COLEC10: variants seen among roughly 807,000 people sequenced by gnomAD.
COLEC10 encodes collectin-10.
In COLEC10, 22 loss-of-function variants were observed where a neutral mutation model predicts 28.4. The observed-to-expected ratio is 0.78, with a 90% CI of 0.55 to 1.11. COLEC10 has a LOEUF of 1.11. Among genes scored for constraint, COLEC10 ranks in the 50% least tolerant of loss-of-function variants. The probability of loss-of-function intolerance (pLI) is 0.00; values close to 1 mark genes in which losing one functional copy is unlikely to be tolerated. For synonymous variants in COLEC10, 125 were observed against 116.1 expected, an observed-to-expected ratio of 1.08 and a Z score of -0.49; for missense variants, 361 against 344.1, an observed-to-expected ratio of 1.05 and a Z score of -0.39.
chr8:119,034,078 T>G (rs1814342536), intron 2 of COLEC10, among the ~76,000 whole-genome samples: 1 of 152,204 alleles, frequency 6.6e-6, no homozygotes, highest in Non-Finnish European at 1.5e-5. Context: ...AAGGATGAGT[T>G]CATGTCCTTT....
At position 119,057,264 on chromosome 8, in the gene COLEC10, T is replaced by C. The variant is rs539453675; in HGVS notation, n.236-32416T>C. Among the ~76,000 whole-genome samples the C allele has an allele frequency of 4.7e-4, 71 of 152,212 alleles. 1 individual carries two copies. The highest frequency in any genetic ancestry group is 3.6e-3 in the Admixed American group (55 of 15,262). On this transcript the variant is annotated intron_variant and non_coding_transcript_variant, in intron 2 of 6. Transcript: ENST00000521788. ...TTCTCATGCCTCCTTGTGAAGAAAGTACTTGCTTCTCCTTCACCTTCCACC... is the reference window on the plus strand; with the variant it reads ...TTCTCATGCCTCCTTGTGAAGAAAGCACTTGCTTCTCCTTCACCTTCCACC...
At chr8:118,969,591 A>G in the COLEC10 span, among the ~76,000 whole-genome samples, 1 of 151,920 alleles carries the variant, frequency 6.6e-6, no homozygotes, top group South Asian at 2.1e-4. Flanking sequence ...CATAAGTGAG[A>G]TGTTTGGAGC....
intron 2 of COLEC10, among the ~76,000 whole-genome samples, chr8:119,019,905 T>C (rs754968020): frequency 6.6e-6 from 1 of 152,198 alleles, no homozygotes; most frequent in Middle Eastern, 3.2e-3. Flanking sequence ...TCTGGCTTCA[T>C]GAAAGTAACA....
chr8:119,046,249 CTT>C (rs1366126188), intron 2 of COLEC10, among the ~76,000 whole-genome samples: 8 of 151,496 alleles, frequency 5.3e-5, no homozygotes, highest in African/African-American at 1.9e-4. Flanking sequence ...TTTTTTTTCT[CTT>C]TTAGTTAATG....
chr8:119,030,220 A>T (rs1193344084), intron 2 of COLEC10, among the ~76,000 whole-genome samples: 4 of 152,226 alleles, frequency 2.6e-5, no homozygotes, highest in Admixed American at 2.6e-4. Flanking sequence ...TCAGGTATGT[A>T]GATTGGGGCA....
chr8:119,078,408 T>TA (rs1011864752), intron 1 of COLEC10, among the ~76,000 whole-genome samples: 4 of 152,082 alleles, frequency 2.6e-5, no homozygotes, highest in Non-Finnish European at 4.4e-5. Flanking sequence ...GGGTTGAAGA[T>TA]AGACTGAAGG....
chr8:119,055,852 G>GT (rs968056048), intron 2 of COLEC10, among the ~76,000 whole-genome samples: 9 of 151,794 alleles, frequency 5.9e-5, no homozygotes, highest in Non-Finnish European at 1.0e-4. Context: ...TACCTTGACT[G>GT]TTTTTTTCTT....
At chr8:118,965,891 A>G in the COLEC10 span, among the ~76,000 whole-genome samples, 6 of 152,080 alleles carry the variant, frequency 3.9e-5, no homozygotes, top group African/African-American at 1.4e-4. Flanking sequence ...TTTCCAGGCC[A>G]TGACTAGATG....
upstream of COLEC10, among the ~76,000 whole-genome samples, chr8:118,991,284 C>T (rs1233996449): frequency 1.3e-5 from 2 of 152,126 alleles, no homozygotes; most frequent in Non-Finnish European, 2.9e-5. Flanking sequence ...CAATATGTAC[C>T]TCCCTGTGTC....
intron 2 of COLEC10, among the ~76,000 whole-genome samples, chr8:119,014,618 T>C (rs1307023201): frequency 6.6e-6 from 1 of 150,882 alleles, no homozygotes; most frequent in Non-Finnish European, 1.5e-5. Flanking sequence ...TGTCTGATAA[T>C]AATTTGGGGG....
At chr8:119,086,341 T>C (rs891459577) in intron 1 of COLEC10, among the ~76,000 whole-genome samples, 2 of 151,474 alleles carry the variant, frequency 1.3e-5, no homozygotes, top group South Asian at 4.2e-4. Context: ...GTCCTACTCA[T>C]CCAGTAAATA....
At chr8:119,101,832 G>A (rs1229375765) in intron 3 of COLEC10, among the ~76,000 whole-genome samples, 2 of 151,962 alleles carry the variant, frequency 1.3e-5, no homozygotes, top group South Asian at 2.1e-4. Flanking sequence ...GAAATCCAAG[G>A]GCAAAGCCAC....
At chr8:119,073,691 T>A (rs1815168106) in intron 1 of COLEC10, among the ~76,000 whole-genome samples, 1 of 151,994 alleles carries the variant, frequency 6.6e-6, no homozygotes, top group Non-Finnish European at 1.5e-5. Context: ...TTCCAGTCAA[T>A]AAAAGTGTAG....
chr8:119,039,363 C>T (rs1488936638), intron 2 of COLEC10, among the ~76,000 whole-genome samples: 1 of 152,144 alleles, frequency 6.6e-6, no homozygotes, highest in Admixed American at 6.6e-5. Context: ...ATGCACTTCC[C>T]CTACTTTAAA....
chr8:118,974,638 C>T, the COLEC10 span, among the ~76,000 whole-genome samples: 1 of 151,914 alleles, frequency 6.6e-6, no homozygotes, highest in South Asian at 2.1e-4. Flanking sequence ...CTCAATATCT[C>T]CCATGGTAAT....
chr8:119,042,499 C>G (rs938577542), intron 2 of COLEC10, among the ~76,000 whole-genome samples: 1 of 152,078 alleles, frequency 6.6e-6, no homozygotes, highest in Admixed American at 6.5e-5. Context: ...TTCGAATGCT[C>G]GTGCTGCCAC....
chr8:119,033,631 T>A, intron 2 of COLEC10, among the ~76,000 whole-genome samples: 1 of 151,846 alleles, frequency 6.6e-6, no homozygotes, highest in Non-Finnish European at 1.5e-5. Context: ...CCAACAAACA[T>A]GAAAAAAACC....
At chr8:119,088,057 G>T (rs1333435335) in intron 1 of COLEC10, among the ~76,000 whole-genome samples, 1 of 151,932 alleles carries the variant, frequency 6.6e-6, no homozygotes, top group South Asian at 2.1e-4. Context: ...AGTCCAGGAG[G>T]TTAAGGCTGC....
the COLEC10 span, among the ~76,000 whole-genome samples, chr8:118,956,203 A>C: frequency 6.6e-6 from 1 of 152,110 alleles, no homozygotes; most frequent in Non-Finnish European, 1.5e-5. Flanking sequence ...GCATGACCTA[A>C]TCACCATCCA....
Sources: allele counts gnomAD v4.1 joint callset (sites outside exome capture counted in the v4.1 genomes callset), GRCh38; gene constraint gnomAD v4.1.1; transcripts MANE v1.5; gene names NCBI Gene and HGNC (gene_info 2026-07-23, HGNC 2026-07-21).